The following SETBP1 variants were observed in gnomAD, a reference collection of about 807,000 sequenced individuals.
SETBP1 encodes the protein SET binding protein 1, also known as SET-binding protein.
In SETBP1, 9 loss-of-function variants were observed where a neutral mutation model predicts 101.0. That is an observed-to-expected ratio of 0.09 (90% CI 0.05 to 0.16). The LOEUF is 0.16. SETBP1 is among the 10% of genes least tolerant of loss of function. The pLI, the probability that SETBP1 is intolerant of heterozygous loss-of-function variation, is 1.00. For missense variants in SETBP1, 1,858 were observed against 2,033.8 expected (o/e 0.91, Z 1.66); for synonymous variants, 818 against 788.5 (o/e 1.04, Z -0.63).
At chr18:44,916,538 C>T (rs1159462467) in intron 3 of SETBP1, among the ~76,000 whole-genome samples, 2 of 152,146 alleles carry the variant, frequency 1.3e-5, no homozygotes, top group Non-Finnish European at 2.9e-5. Context: ...AATATTGCTA[C>T]AGCCCAGGTC....
At chr18:44,990,290 T>C (rs1158666135) in intron 4 of SETBP1, among the ~76,000 whole-genome samples, 1 of 152,172 alleles carries the variant, frequency 6.6e-6, no homozygotes, top group Non-Finnish European at 1.5e-5. Flanking sequence ...TGGATAAACT[T>C]ATATTTAAAT....
chr18:44,791,202 A>C (rs1433455472), intron 2 of SETBP1, among the ~76,000 whole-genome samples: 1 of 152,054 alleles, frequency 6.6e-6, no homozygotes, highest in Non-Finnish European at 1.5e-5. Context: ...GTTGGATCGG[A>C]GGCGCTCTTG....
intron 1 of SETBP1, among the ~76,000 whole-genome samples, chr18:44,695,630 C>T (rs770671787): frequency 2.0e-5 from 3 of 151,990 alleles, no homozygotes; most frequent in Non-Finnish European, 2.9e-5. Flanking sequence ...AGTCCAGAGC[C>T]GAGGGAGGAC....
At chr18:44,853,842 T>C (rs2072919252) in intron 2 of SETBP1, among the ~76,000 whole-genome samples, 1 of 152,142 alleles carries the variant, frequency 6.6e-6, no homozygotes, top group South Asian at 2.1e-4. Flanking sequence ...GCCTTCACCA[T>C]GATGTTCCAT....
intron 3 of SETBP1, among the ~76,000 whole-genome samples, chr18:44,887,817 G>A (rs2069682717): frequency 6.6e-6 from 1 of 152,042 alleles, no homozygotes; most frequent in Non-Finnish European, 1.5e-5. Context: ...TATTAGAGCA[G>A]GGGAAGGCCA....
intron 5 of SETBP1, among the ~76,000 whole-genome samples, chr18:45,043,882 G>A (rs2073559191): frequency 6.6e-6 from 1 of 152,168 alleles, no homozygotes; most frequent in Non-Finnish European, 1.5e-5. Flanking sequence ...AGAACAAAAT[G>A]ATGTGAAAAT....
At chr18:44,836,110 C>T (rs2072488938) in intron 2 of SETBP1, among the ~76,000 whole-genome samples, 1 of 107,372 alleles carries the variant, frequency 9.3e-6, no homozygotes, top group Non-Finnish European at 2.0e-5. Flanking sequence ...TTTCCTTACT[C>T]TCTATAAGCT....
At chr18:45,058,050 C>A (rs1421353240) in intron 5 of SETBP1, among the ~76,000 whole-genome samples, 1 of 152,178 alleles carries the variant, frequency 6.6e-6, no homozygotes, top group African/African-American at 2.4e-5. Flanking sequence ...ACCAGCTCAA[C>A]CATTTGCATG....
At chr18:44,857,958 A>G (rs1314188004) in intron 2 of SETBP1, among the ~76,000 whole-genome samples, 1 of 152,178 alleles carries the variant, frequency 6.6e-6, no homozygotes, top group Non-Finnish European at 1.5e-5. Context: ...GGATTGGTTG[A>G]GGCAGGATTG....
At chr18:45,009,698 GA>G (rs1427399924) in intron 4 of SETBP1, among the ~76,000 whole-genome samples, 20 of 152,092 alleles carry the variant, frequency 1.3e-4, no homozygotes, top group Admixed American at 1.2e-3. Flanking sequence ...CTATGAAATA[GA>G]AAGAACAAGA....
intron 3 of SETBP1, among the ~76,000 whole-genome samples, chr18:44,937,288 T>G (rs1230470888): frequency 6.6e-6 from 1 of 150,684 alleles, no homozygotes; most frequent in Non-Finnish European, 1.5e-5. Context: ...CCGTCTCTAC[T>G]AAAAATACAA....
At chr18:44,826,672 T>C (rs978956020) in intron 2 of SETBP1, among the ~76,000 whole-genome samples, 3 of 152,132 alleles carry the variant, frequency 2.0e-5, no homozygotes, top group Non-Finnish European at 4.4e-5. Flanking sequence ...GGAGCGTTCT[T>C]GGACATCTGC....
Position 44,701,313 on chromosome 18 carries a change from C to T in SETBP1, c.-34C>T, listed in dbSNP as rs376964078. 1 of 1,454,842 alleles carries T rather than the reference C, an allele frequency of 6.9e-7. No individual in the cohort carries two copies. The highest frequency in any genetic ancestry group is 1.4e-5 in the African/African-American group (1 of 69,794). The allele number at this position is 1,454,842 out of a possible 1,614,324, so 90.1% of individuals were successfully genotyped here. ...TCCCTTTTCCCTTTTCCCCTTCCCCCTCCTGAGAACTCCGGAAGACTGTAG... is the reference window on the plus strand; with the variant it reads ...TCCCTTTTCCCTTTTCCCCTTCCCCTTCCTGAGAACTCCGGAAGACTGTAG... On this transcript the variant is annotated 5_prime_UTR_variant, in exon 2 of 6. Transcript: ENST00000649279.
intron 3 of SETBP1, among the ~76,000 whole-genome samples, chr18:44,880,864 G>A (rs2144735997): frequency 6.6e-6 from 1 of 152,276 alleles, no homozygotes; most frequent in African/African-American, 2.4e-5. Flanking sequence ...CCAAGTTTGA[G>A]AATGACATTT....
chr18:44,910,983 T>C (rs111516724), intron 3 of SETBP1, among the ~76,000 whole-genome samples: 2 of 152,322 alleles, frequency 1.3e-5, no homozygotes, highest in African/African-American at 4.8e-5. Flanking sequence ...TATAGGACTT[T>C]GATTTTCATA....
At chr18:45,028,083 C>T (rs993793165) in intron 4 of SETBP1, among the ~76,000 whole-genome samples, 1 of 151,962 alleles carries the variant, frequency 6.6e-6, no homozygotes, top group Non-Finnish European at 1.5e-5. Flanking sequence ...CGTATGTATA[C>T]GTGTGCCATG....
intron 2 of SETBP1, among the ~76,000 whole-genome samples, chr18:44,706,632 G>T (rs1482902543): frequency 8.6e-6 from 1 of 116,140 alleles, no homozygotes; most frequent in Non-Finnish European, 1.7e-5. Flanking sequence ...AAAAATTCCA[G>T]TAGTGACAGG....
At chr18:44,974,510 TG>T (rs1027088968) in intron 4 of SETBP1, among the ~76,000 whole-genome samples, 9 of 152,174 alleles carry the variant, frequency 5.9e-5, no homozygotes, top group African/African-American at 1.7e-4. Flanking sequence ...GTGTTTTCAC[TG>T]CATAAAAGGA....
chr18:45,020,110 G>A (rs934085178), intron 4 of SETBP1, among the ~76,000 whole-genome samples: 4 of 151,814 alleles, frequency 2.6e-5, no homozygotes, highest in Non-Finnish European at 5.9e-5. Flanking sequence ...GTCTTCAGCC[G>A]TGGACAGTTA....
Sources: gnomAD v4.1 joint callset for allele counts (sites outside exome capture counted in the v4.1 genomes callset) on GRCh38, gnomAD v4.1.1 for gene constraint, MANE v1.5 for transcripts, NCBI Gene and HGNC (gene_info 2026-07-23, HGNC 2026-07-21) for gene names.